ARHGAP21: variants seen among roughly 807,000 people sequenced by gnomAD.
ARHGAP21 encodes the protein Rho GTPase activating protein 21.
Under a neutral mutation model 164.6 loss-of-function variants are expected in ARHGAP21, and 38 were observed. That is an observed-to-expected ratio of 0.23 (90% CI 0.18 to 0.30). The LOEUF is 0.30. Among genes scored for constraint, ARHGAP21 ranks in the 10% least tolerant of loss-of-function variants. ARHGAP21 has a pLI of 1.00. For synonymous variants in ARHGAP21, 766 were observed against 857.9 expected, an observed-to-expected ratio of 0.89 and a Z score of 1.87; for missense variants, 1,822 against 2,370.7, an observed-to-expected ratio of 0.77 and a Z score of 4.81.
At chr10:24,617,611 T>TA (rs200698926) in intron 9 of ARHGAP21, among the ~76,000 whole-genome samples, 2,120 of 151,042 alleles carry the variant, frequency 0.014, 46 homozygotes, top group African/African-American at 0.049. Context: ...ATCCGATTTA[T>TA]AAAAAAAAAC....
At chr10:24,687,080 G>A (rs1842280427) in intron 2 of ARHGAP21, among the ~76,000 whole-genome samples, 1 of 150,700 alleles carries the variant, frequency 6.6e-6, no homozygotes. Context: ...GCCAGGTGTG[G>A]TGGTGCATGC....
In ARHGAP21 at chr10:24,620,186, C is replaced by T. The variant is rs1834402064; in HGVS notation, c.1709G>A (p.Arg570Lys). 2 of 1,613,844 alleles carry T rather than the reference C, an allele frequency of 1.2e-6. No individual in the cohort carries two copies. Among genetic ancestry groups the T allele is most frequent in the South Asian group, 2.2e-5 (2 of 91,078 alleles). ...VAPSVVNSDN[R>K]RMSGRGVGSV... is the part of the protein sequence containing the mutation. ...TCCCACTCCTCTACCACTCATTCGC[C>T]TGTTATCAGAATTAACAACGCTTGG... is the stretch of plus-strand genomic sequence containing the variant. The change falls in exon 9 of 26, where the codon AGG becomes AAG. Residue 570 changes from arginine (R) to lysine (K), a missense_variant. Physicochemically the swap from Arg to Lys is conservative, Grantham distance 26 (BLOSUM62 2). Coordinates refer to ENST00000396432, the MANE Select transcript of ARHGAP21 (RefSeq NM_020824.4).
intron 4 of ARHGAP21, among the ~76,000 whole-genome samples, chr10:24,666,195 A>G (rs1316857458): frequency 1.3e-5 from 2 of 151,958 alleles, no homozygotes; most frequent in African/African-American, 4.8e-5. Context: ...ACACCCGGCT[A>G]ATATTTTGTA....
rs376478559 is a variant in ARHGAP21 at position 24,602,464 on chromosome 10, C to T, written c.2722-361G>A. 3.3e-5 allele frequency among the ~76,000 whole-genome samples: 5 copies of T among 152,162 alleles called. No individual in the cohort carries two copies. In the East Asian group the frequency reaches 5.8e-4, roughly 18 times the overall value. ...CTGGTGATGAGGTGGCAGGGCTACTCTGAAGAAATAATATTTTGTTGAAAT... is the reference window on the plus strand; with the variant it reads ...CTGGTGATGAGGTGGCAGGGCTACTTTGAAGAAATAATATTTTGTTGAAAT... On this transcript the variant is annotated intron_variant, in intron 12 of 25. Transcript: ENST00000396432.
intron 2 of ARHGAP21, among the ~76,000 whole-genome samples, chr10:24,693,415 G>A (rs1842903412): frequency 6.6e-6 from 1 of 151,584 alleles, no homozygotes; most frequent in African/African-American, 2.4e-5. Context: ...CACTATCTCA[G>A]CTCACTGCAA....
rs779157011 is a variant in ARHGAP21 at position 24,656,162 on chromosome 10, TG to T, written c.268+10822del. On this transcript the variant is annotated intron_variant, in intron 4 of 25. Coordinates refer to ENST00000396432, the MANE Select transcript of ARHGAP21 (RefSeq NM_020824.4). The stretch of plus-strand genomic sequence containing the variant: ...GCAGCCACCCCGTCCGGGAGGGAGG[TG>T]GGGGGGGTCAGCCCCCCGCCCGGCC... Among the ~76,000 whole-genome samples the T allele has an allele frequency of 1.0e-3, 116 of 115,582 alleles. 3 individuals are homozygous for T. The East Asian group carries it at 0.027, about 27-fold the overall frequency. 75.8% of individuals were successfully genotyped at this position (115,582 alleles called of 152,430 possible).
At position 24,600,663 on chromosome 10, in the gene ARHGAP21, T is replaced by C. The variant is rs2076778267; in HGVS notation, c.3115A>G (p.Ser1039Gly). 6.2e-7 allele frequency: 1 copy of C among 1,613,676 alleles called. No homozygotes were observed. Among genetic ancestry groups the C allele is most frequent in the Non-Finnish European group, 8.5e-7 (1 of 1,179,582 alleles). Residue 1039 changes from serine to glycine, a missense_variant, in exon 14 of 26, where the codon AGC becomes GGC. By Grantham distance (56) the Ser-to-Gly change is moderately conservative. Coordinates refer to ENST00000396432, the MANE Select transcript of ARHGAP21 (RefSeq NM_020824.4). Reference protein sequence around the residue: ...LAWIKTIQESSNLNEEDTGVT... With the variant: ...LAWIKTIQESGNLNEEDTGVT... ...ACACCCACCTCTTCGTTTAGGTTGC[T>C]GCTCTCCTGGATCGTCTTGATCCAA...
chr10:24,715,093 C>T (rs1473392651), intron 2 of ARHGAP21, among the ~76,000 whole-genome samples: 1 of 151,780 alleles, frequency 6.6e-6, no homozygotes, highest in Admixed American at 6.6e-5. Flanking sequence ...TTGCTTTGAG[C>T]AGTGTGTATG....
intron 4 of ARHGAP21, among the ~76,000 whole-genome samples, chr10:24,659,907 A>G (rs145558055): frequency 4.1e-3 from 631 of 152,328 alleles, no homozygotes; most frequent in Non-Finnish European, 4.5e-3. Context: ...TCTGCACCTT[A>G]GTTTCATCAT....
At chr10:24,625,299 G>GCAAAAAAAAAAAAAAAAAAAAAAA (rs768183583) in intron 7 of ARHGAP21, among the ~76,000 whole-genome samples, 2 of 53,794 alleles carry the variant, frequency 3.7e-5, no homozygotes, top group Non-Finnish European at 6.8e-5. Flanking sequence ...ATGAAACAGA[G>GCAAAAAAAAAAAAAAAAAAAAAAA]AAAAAAAAAA....
intron 24 of ARHGAP21, chr10:24,590,487 A>T: frequency 2.0e-6 from 3 of 1,535,190 alleles, no homozygotes; most frequent in Non-Finnish European, 2.6e-6. Context: ...CGCCTGTTCA[A>T]CATCAGTATA....
chr10:24,591,419 T>A, intron 23 of ARHGAP21, 89 bp from the exon 24 acceptor site: 1 of 1,237,354 alleles, frequency 8.1e-7, no homozygotes, highest in Non-Finnish European at 1.2e-6. Context: ...GACACATTAC[T>A]AAGTAAAGCA....
At chr10:24,595,280 A>G (rs2076529988) in intron 19 of ARHGAP21, 90 bp from the exon 20 acceptor site, 1 of 1,077,590 alleles carries the variant, frequency 9.3e-7, no homozygotes, top group African/African-American at 1.6e-5. Context: ...TTTAAACCAC[A>G]ACATAGGAAA....
At chr10:24,709,082 A>G (rs915218536) in intron 2 of ARHGAP21, among the ~76,000 whole-genome samples, 10 of 152,244 alleles carry the variant, frequency 6.6e-5, no homozygotes, top group African/African-American at 2.2e-4. Context: ...AGACGTTACA[A>G]CTGATACCAC....
At chr10:24,701,808 G>A (rs778910918) in intron 2 of ARHGAP21, among the ~76,000 whole-genome samples, 4 of 152,126 alleles carry the variant, frequency 2.6e-5, no homozygotes, top group East Asian at 1.9e-4. Flanking sequence ...GATCATACTC[G>A]ATGCTGAGCT....
intron 13 of ARHGAP21, 82 bp from the exon 14 acceptor site, chr10:24,601,012 T>C: frequency 6.8e-7 from 1 of 1,480,234 alleles, no homozygotes; most frequent in East Asian, 2.3e-5. Context: ...GCAACACCCT[T>C]CCTCTGCATT....
At chr10:24,596,591 G>C (rs973287555) in intron 17 of ARHGAP21, 149 bp downstream of exon 17, 2 of 1,030,928 alleles carry the variant, frequency 1.9e-6, no homozygotes, top group Non-Finnish European at 2.8e-6. Flanking sequence ...AGCATTACAG[G>C]TCAGAAATAC....
At chr10:24,711,093 C>CAA (rs11304785) in intron 2 of ARHGAP21, among the ~76,000 whole-genome samples, 10 of 43,554 alleles carry the variant, frequency 2.3e-4, no homozygotes, top group African/African-American at 5.9e-4. Flanking sequence ...GACTCCATCT[C>CAA]AAAAAAAAAA....
intron 2 of ARHGAP21, among the ~76,000 whole-genome samples, chr10:24,712,399 C>T (rs1844924136): frequency 6.6e-6 from 1 of 152,078 alleles, no homozygotes; most frequent in Non-Finnish European, 1.5e-5. Flanking sequence ...AGATTGGTTC[C>T]AAGACCTCCT....
Sources: gnomAD v4.1 joint callset for allele counts (sites outside exome capture counted in the v4.1 genomes callset) on GRCh38, gnomAD v4.1.1 for gene constraint, MANE v1.5 for transcripts, NCBI Gene and HGNC (gene_info 2026-07-23, HGNC 2026-07-21) for gene names.